Variants in ACBD6 observed in about 807,000 individuals in gnomAD.
ACBD6 encodes the protein acyl-CoA-binding domain-containing protein 6.
ACBD6 carries 28 observed loss-of-function variants against 37.2 expected under a neutral mutation model. The observed-to-expected ratio is 0.75, with a 90% CI of 0.56 to 1.03. ACBD6 has a LOEUF of 1.03. ACBD6 is among the 50% of genes least tolerant of loss of function. The probability of loss-of-function intolerance (pLI) is 0.00; values close to 1 mark genes in which losing one functional copy is unlikely to be tolerated. For synonymous variants in ACBD6, 113 were observed against 126.8 expected, an observed-to-expected ratio of 0.89 and a Z score of 0.73; for missense variants, 340 against 337.4, an observed-to-expected ratio of 1.01 and a Z score of -0.06.
intron 5 of ACBD6, among the ~76,000 whole-genome samples, chr1:180,398,329 A>G (rs190526903): frequency 2.6e-5 from 4 of 152,228 alleles, no homozygotes; most frequent in Non-Finnish European, 2.9e-5. Flanking sequence ...GAAAGAAATC[A>G]TAAGAATAAA....
At chr1:180,388,541 G>GAAGCAT (rs2101938145) in intron 6 of ACBD6, among the ~76,000 whole-genome samples, 1 of 152,156 alleles carries the variant, frequency 6.6e-6, no homozygotes, top group Admixed American at 6.5e-5. Flanking sequence ...CTAACAAACT[G>GAAGCAT]TCAGAACTAA....
intron 4 of ACBD6, among the ~76,000 whole-genome samples, chr1:180,417,161 A>G (rs1648131926): frequency 6.6e-6 from 1 of 152,228 alleles, no homozygotes; most frequent in Non-Finnish European, 1.5e-5. Context: ...ATATGCAGGT[A>G]TAGATCATTT....
At chr1:180,378,635 T>C (rs1266218190) in intron 6 of ACBD6, among the ~76,000 whole-genome samples, 1 of 152,168 alleles carries the variant, frequency 6.6e-6, no homozygotes, top group Admixed American at 6.5e-5. Flanking sequence ...ACTGTTAATG[T>C]TGGATTCAAG....
chr1:180,424,628 T>C (rs750611020), intron 4 of ACBD6, among the ~76,000 whole-genome samples: 1 of 151,926 alleles, frequency 6.6e-6, no homozygotes, highest in Non-Finnish European at 1.5e-5. Flanking sequence ...TATGCACACA[T>C]ACATACACAC....
chr1:180,359,786 G>T (rs912116965), intron 6 of ACBD6, among the ~76,000 whole-genome samples: 2 of 151,952 alleles, frequency 1.3e-5, no homozygotes, highest in Admixed American at 1.3e-4. Flanking sequence ...GTCAAATAAT[G>T]GTGTTTTTTT....
intron 4 of ACBD6, among the ~76,000 whole-genome samples, chr1:180,417,582 T>C (rs1648151713): frequency 6.6e-6 from 1 of 152,216 alleles, no homozygotes; most frequent in South Asian, 2.1e-4. Context: ...GACCCAGCAC[T>C]TCAATCACTA....
chr1:180,446,625 A>T (rs1050566636), intron 3 of ACBD6, among the ~76,000 whole-genome samples: 2 of 152,220 alleles, frequency 1.3e-5, no homozygotes, highest in African/African-American at 4.8e-5. Context: ...GCTACTTATA[A>T]CAGTAATATT....
chr1:180,277,883 G>C (rs1330409753), intron 9 of ACBD6: 1 of 149,736 alleles, frequency 6.7e-6, no homozygotes, highest in African/African-American at 2.4e-5. Context: ...TTTTTGGGGG[G>C]GGGCAGTGTA....
chr1:180,272,874 GA>G (rs1648764221), intron 12 of ACBD6: 2 of 152,376 alleles, frequency 1.3e-5, no homozygotes, highest in Admixed American at 1.3e-4. Context: ...TGTGCTTGGG[GA>G]AAGCCTGGCA....
chr1:180,301,771 C>T (rs1379568767), intron 7 of ACBD6, among the ~76,000 whole-genome samples: 1 of 152,092 alleles, frequency 6.6e-6, no homozygotes, highest in African/African-American at 2.4e-5. Flanking sequence ...ACACAATTTA[C>T]TGGAGGGACA....
exon 14 of ACBD6, chr1:180,271,229 G>A (rs1648635428): frequency 2.4e-6 from 2 of 824,024 alleles, no homozygotes; most frequent in Non-Finnish European, 4.2e-6. Flanking sequence ...ATGAGAGTGG[G>A]GACCTCTCCA....
At chr1:180,471,443 T>C (rs1304056185) in intron 3 of ACBD6, among the ~76,000 whole-genome samples, 1 of 146,010 alleles carries the variant, frequency 6.8e-6, no homozygotes, top group African/African-American at 2.6e-5. Context: ...TGGAAGGAGA[T>C]ATGAATTAGT....
At chr1:180,413,086 ACTT>A (rs1465813804) in intron 5 of ACBD6, among the ~76,000 whole-genome samples, 2 of 152,230 alleles carry the variant, frequency 1.3e-5, no homozygotes, top group Non-Finnish European at 2.9e-5. Flanking sequence ...TGTAGATTTC[ACTT>A]ATTATGCGAA....
chr1:180,434,760 A>C (rs1009973061), intron 3 of ACBD6: 2 of 620,730 alleles, frequency 3.2e-6, no homozygotes, highest in Non-Finnish European at 6.0e-6. Flanking sequence ...AACAGGCCAT[A>C]GCCGCAACCG....
chr1:180,295,870 T>A (rs1339843924), intron 7 of ACBD6, among the ~76,000 whole-genome samples: 6 of 152,112 alleles, frequency 3.9e-5, no homozygotes, highest in Admixed American at 3.9e-4. Context: ...ATTAGGCCAA[T>A]AATCCTACAA....
intron 6 of ACBD6, among the ~76,000 whole-genome samples, chr1:180,392,695 C>T (rs1419132005): frequency 6.6e-6 from 1 of 151,876 alleles, no homozygotes; most frequent in Non-Finnish European, 1.5e-5. Context: ...CCCAACCCAC[C>T]CCTCCCCACA....
At chr1:180,306,985 C>A (rs556595595) in intron 7 of ACBD6, among the ~76,000 whole-genome samples, 1 of 152,290 alleles carries the variant, frequency 6.6e-6, no homozygotes, top group Non-Finnish European at 1.5e-5. Flanking sequence ...ACTATACGAT[C>A]CAGCAGTCCC....
intron 6 of ACBD6, among the ~76,000 whole-genome samples, chr1:180,352,515 T>TG (rs1652458104): frequency 6.6e-6 from 1 of 152,126 alleles, no homozygotes; most frequent in Non-Finnish European, 1.5e-5. Context: ...TTGTTAGATT[T>TG]GGGTTCAACA....
At chr1:180,482,064 A>G (rs1651071037) in intron 3 of ACBD6, among the ~76,000 whole-genome samples, 1 of 152,238 alleles carries the variant, frequency 6.6e-6, no homozygotes, top group Non-Finnish European at 1.5e-5. Flanking sequence ...TATAGTCAAC[A>G]AAAATTAGAT....
Sources: allele counts gnomAD v4.1 joint callset (sites outside exome capture counted in the v4.1 genomes callset), GRCh38; gene constraint gnomAD v4.1.1; transcripts MANE v1.5; gene names NCBI Gene and HGNC (gene_info 2026-07-23, HGNC 2026-07-21).